Variants in ADAM33 observed in about 807,000 individuals in gnomAD.
ADAM33 encodes the protein disintegrin and metalloproteinase domain-containing protein 33.
ADAM33 carries 103 observed loss-of-function variants against 106.2 expected under a neutral mutation model. The ratio of observed to expected loss-of-function variants is 0.97; its 90% CI spans 0.83 to 1.14. The LOEUF (loss-of-function observed/expected upper bound fraction) is 1.14. Ranked by LOEUF, ADAM33 falls within the 50% of genes most tolerant of loss-of-function variation. The probability of loss-of-function intolerance (pLI) is 0.00; values close to 1 mark genes in which losing one functional copy is unlikely to be tolerated. For missense variants in ADAM33, 1,120 were observed against 1,096.6 expected, an observed-to-expected ratio of 1.02 and a Z score of -0.30; for synonymous variants, 483 against 453.0, an observed-to-expected ratio of 1.07 and a Z score of -0.84.
At position 3,671,674 on chromosome 20, in the gene ADAM33, C is replaced by A; in HGVS notation, c.1812G>T (p.Val604=). Residue 604 remains valine, a synonymous_variant, in exon 16 of 22, where the codon GTG becomes GTT. Coordinates refer to ENST00000356518, the MANE Select transcript of ADAM33 (RefSeq NM_025220.5). ...DSTVHLDGQE[V]TCRGALALPS... is the part of the protein sequence containing the mutation. ...GGAGTGCCAAGGCTCCCCGACAAGT[C>A]ACTTCCTGGCCATCTAGGTGAACGG... The A allele has an allele frequency of 6.3e-7, 1 of 1,584,528 alleles. No homozygotes were observed. Among genetic ancestry groups the A allele is most frequent in the Admixed American group, 1.8e-5 (1 of 55,984 alleles).
At position 3,675,299 on chromosome 20, in the gene ADAM33, T is replaced by C. The variant is rs1348580313; in HGVS notation, c.255-194A>G. On this transcript the variant is annotated intron_variant, in intron 3 of 21. Transcript: ENST00000356518. This position sits in a 1 kb window ranked among gnomAD's most constrained non-coding sequence, Gnocchi z 4.1. ...CTCTTGGGGCTAGAGGAAGGAGCCT[T>C]GGTGATGGCTTAGTTGTGGGAGGTG... Among the ~76,000 whole-genome samples the C allele has an allele frequency of 1.3e-5, 2 of 152,134 alleles. No individual in the cohort carries two copies. Among genetic ancestry groups the C allele is most frequent in the African/African-American group, 4.8e-5 (2 of 41,430 alleles).
rs376736249 is a variant in ADAM33, at chr20:3,681,918, C to G, written c.87G>C (p.Gly29=). The change falls in exon 1 of 22, where the codon GGG becomes GGC. Residue 29 remains glycine, a synonymous_variant. Coordinates refer to ENST00000356518, the MANE Select transcript of ADAM33 (RefSeq NM_025220.5). The stretch of plus-strand genomic sequence containing the variant: ...CGCCCGCGTCCTCACCTTGAAGCAC[C>G]CCGGCGCCTGGCACTGGCCAGAGCA... ...LLLLWPVPGA[G]VLQGHIPGQP... 2 of 1,591,112 alleles carry G rather than the reference C, an allele frequency of 1.3e-6. No homozygotes were observed. The highest frequency in any genetic ancestry group is 4.7e-5 in the East Asian group (2 of 42,714).
Position 3,669,359 on chromosome 20 carries a change from A to C in ADAM33, c.2344T>G (p.Ser782Ala). Residue 782 changes from serine to alanine, a missense_variant, in exon 21 of 22, where the codon TCT becomes GCT. By Grantham distance (99) the Ser-to-Ala change is moderately conservative. Transcript: ENST00000356518. ...GQPWPLDPEN[S>A]HEPSSHPEKP... is the part of the protein sequence containing the mutation. ...TCAGGGTGGCTGCTGGGCTCATGAG[A>C]GTTCTCAGGGTCTGGGAGAAATGGT... 6.2e-7 allele frequency: 1 copy of C among 1,605,462 alleles called. No homozygotes were observed. The highest frequency in any genetic ancestry group is 8.5e-7 in the Non-Finnish European group (1 of 1,177,774).
At chr20:3,677,802 G>A (rs1004038918) in intron 2 of ADAM33, among the ~76,000 whole-genome samples, 2 of 152,190 alleles carry the variant, frequency 1.3e-5, no homozygotes, top group African/African-American at 4.8e-5. Flanking sequence ...TGGCTTGGAC[G>A]GCCAGCCCTC....
At chr20:3,674,891 G>A (rs1410242043) in intron 4 of ADAM33, 42 bp from the exon 5 acceptor site, 9 of 1,608,428 alleles carry the variant, frequency 5.6e-6, no homozygotes, top group Non-Finnish European at 7.6e-6. Context: ...GCCAGGGCTG[G>A]AGCAAGAGGG....
In ADAM33 at chr20:3,669,617, C is replaced by G. The variant is rs1434349114; in HGVS notation, c.2261G>C (p.Arg754Thr). 3 of 1,602,392 alleles carry G rather than the reference C, an allele frequency of 1.9e-6. No individual in the cohort carries two copies. The highest frequency in any genetic ancestry group is 1.7e-5 in the Admixed American group (1 of 57,964). The change falls in exon 20 of 22, where the codon AGG becomes ACG. Residue 754 changes from arginine (R) to threonine (T), a missense_variant. Transcript: ENST00000356518. ...GTGAACGCCGCCCAGGGGGTGGTCC[C>G]TGTGTGGGCCATCTTTGGGGCTGAG... ...ACSGPKDGPH[R>T]DHPLGGVHPM...
Position 3,672,543 on chromosome 20 carries a change from G to C in ADAM33, c.1395C>G (p.Arg465=). ...GAACCTTCCATGCCCTCACCAGGCA[G>C]CGCACGCAGCAGTCCCCGTGGGCGC... The part of the protein sequence containing the change: ...AQCAHGDCCV[R]CLLKPAGALC... The change falls in exon 13 of 22, where the codon CGC becomes CGG. Residue 465 remains arginine, a synonymous_variant. Coordinates refer to ENST00000356518, the MANE Select transcript of ADAM33 (RefSeq NM_025220.5). 1 of 1,613,234 alleles carries C rather than the reference G, an allele frequency of 6.2e-7. No homozygotes were observed. Among genetic ancestry groups the C allele is most frequent in the Admixed American group, 1.7e-5 (1 of 60,010 alleles).
chr20:3,681,601 G>C (rs1375086335), intron 1 of ADAM33, among the ~76,000 whole-genome samples: 1 of 134,396 alleles, frequency 7.4e-6, no homozygotes, highest in Non-Finnish European at 1.6e-5. Flanking sequence ...AGGGGGCTAC[G>C]GCTATGGGCT....
chr20:3,668,656 T>C lies in ADAM33; in HGVS notation c.*307A>G, dbSNP rs1316247379. Reference sequence around the variant, plus strand: ...CTCCCAGGACAGAGCCCTTTTGGGATGGCCAGCACTACCCAGCCTCCACTG... The same window carrying C: ...CTCCCAGGACAGAGCCCTTTTGGGACGGCCAGCACTACCCAGCCTCCACTG... On this transcript the variant is annotated 3_prime_UTR_variant, in exon 22 of 22. Coordinates refer to ENST00000356518, the MANE Select transcript of ADAM33 (RefSeq NM_025220.5). The C allele has an allele frequency of 4.7e-6, 2 of 428,848 alleles. No individual in the cohort carries two copies. The highest frequency in any genetic ancestry group is 4.3e-6 in the Non-Finnish European group (1 of 230,400). 26.6% of individuals were successfully genotyped at this position (428,848 alleles called of 1,614,324 possible).
At chr20:3,670,636 C>CA (rs2087472014) in intron 19 of ADAM33, 1 of 225,710 alleles carries the variant, frequency 4.4e-6, no homozygotes, top group South Asian at 1.2e-4. Context: ...ACTGGTGAGA[C>CA]AGAGGCTGGA....
At chr20:3,677,222 C>T (rs973635343) in intron 2 of ADAM33, 79 bp from the exon 3 acceptor site, 128 of 1,299,116 alleles carry the variant, frequency 9.9e-5, no homozygotes, top group Non-Finnish European at 1.2e-4. Context: ...CCTGTGGAGC[C>T]GGCTGGGGAG....
intron 2 of ADAM33, among the ~76,000 whole-genome samples, chr20:3,678,665 G>A (rs1396037324): frequency 6.6e-6 from 1 of 152,176 alleles, no homozygotes; most frequent in Admixed American, 6.5e-5. Flanking sequence ...CAAACAAAGA[G>A]GGCTCTCTAG....
At chr20:3,674,945 A>G in intron 4 of ADAM33, 82 bp downstream of exon 4, 1 of 1,608,852 alleles carries the variant, frequency 6.2e-7, no homozygotes, top group South Asian at 1.1e-5. Flanking sequence ...ACCGCCCCTT[A>G]GGAATGCAAG....
chr20:3,674,784 G>T lies in ADAM33; in HGVS notation c.399C>A (p.Cys133Ter). The change falls in exon 5 of 22, where the codon TGC (cysteine) becomes TGA (stop). Residue 133 changes from cysteine (C) to a stop codon, truncating the protein, a stop_gained. Transcript: ENST00000356518. LOFTEE classifies it high-confidence loss of function. ...CTCCCAGAGCTCACCTCATCCCAGAGCAGGTGCAGAGGACTACCCAGGAGT... is the reference window on the plus strand; with the variant it reads ...CTCCCAGAGCTCACCTCATCCCAGATCAGGTGCAGAGGACTACCCAGGAGT... Reference protein sequence around the residue: ...FPDSWVVLCTCSGMSGLITLS... With the variant: ...FPDSWVVLCT 6.2e-7 allele frequency: 1 copy of T among 1,609,264 alleles called. No individual in the cohort carries two copies. The highest frequency in any genetic ancestry group is 1.1e-5 in the South Asian group (1 of 90,332).
chr20:3,677,262 A>G (rs1386611907), intron 2 of ADAM33, 119 bp from the exon 3 acceptor site: 7 of 763,270 alleles, frequency 9.2e-6, no homozygotes, highest in Non-Finnish European at 1.4e-5. Flanking sequence ...TGGGCTGGGG[A>G]GTCAGCAGGA....
intron 9 of ADAM33, 21 bp downstream of exon 9, chr20:3,673,724 G>C (rs2087731694): frequency 7.1e-7 from 1 of 1,405,978 alleles, no homozygotes; most frequent in African/African-American, 1.5e-5. Flanking sequence ...CGGGACCCGC[G>C]TCCGGGTCAG....
rs1287620018 is a variant in ADAM33, at chr20:3,674,094, A to T, written c.708T>A (p.Arg236=). The T allele has an allele frequency of 1.2e-6, 2 of 1,613,930 alleles. No individual in the cohort carries two copies. Among genetic ancestry groups the T allele is most frequent in the Admixed American group, 3.3e-5 (2 of 60,016 alleles). ...CCACGTAGTTGGCGACTTCCAGGAG[A>T]CGCTGTTTGGTGTGGTTCAAGTTTC... The part of the protein sequence containing the change: ...RHRNLNHTKQ[R]LLEVANYVDQ... Residue 236 remains arginine, a synonymous_variant, in exon 8 of 22, where the codon CGT becomes CGA. Coordinates refer to ENST00000356518, the MANE Select transcript of ADAM33 (RefSeq NM_025220.5).
intron 8 of ADAM33, 66 bp from the exon 9 acceptor site, chr20:3,673,977 C>T (rs1487350725): frequency 4.4e-6 from 7 of 1,597,708 alleles, no homozygotes; most frequent in Non-Finnish European, 6.0e-6. Context: ...CTTCGTGGGG[C>T]GCCCTTCCTC....
At chr20:3,680,390 G>A (rs564592451) in intron 1 of ADAM33, among the ~76,000 whole-genome samples, 126 of 152,214 alleles carry the variant, frequency 8.3e-4, no homozygotes, top group African/African-American at 2.9e-3. Context: ...CCCCCTCCAC[G>A]CAGCCCTGGC....
Sources: gnomAD v4.1 joint callset for allele counts (sites outside exome capture counted in the v4.1 genomes callset) on GRCh38, gnomAD v4.1.1 for gene constraint, Gnocchi (gnomAD v3.1) non-coding constraint, MANE v1.5 for transcripts, NCBI Gene and HGNC (gene_info 2026-07-23, HGNC 2026-07-21) for gene names.